The following VSX2 variants were observed in gnomAD, a reference collection of about 807,000 sequenced individuals.
VSX2 encodes ceh-10 homeo domain containing homolog.
VSX2 carries 28 observed loss-of-function variants against 32.1 expected under a neutral mutation model. That is an observed-to-expected ratio of 0.87 (90% confidence interval 0.65 to 1.20). The LOEUF (loss-of-function observed/expected upper bound fraction) is 1.20, where lower values mean the gene tolerates loss of function less well. Ranked by LOEUF, VSX2 falls within the 50% of genes most tolerant of loss-of-function variation. The pLI, the probability that VSX2 is intolerant of heterozygous loss-of-function variation, is 0.00. For synonymous variants in VSX2, 243 were observed against 214.1 expected, an observed-to-expected ratio of 1.14 and a Z score of -1.18; for missense variants, 506 against 488.7, an observed-to-expected ratio of 1.04 and a Z score of -0.33.
intron 3 of VSX2, among the ~76,000 whole-genome samples, chr14:74,249,877 ATGGTGCAGTGT>A (rs2139638423): frequency 6.6e-6 from 1 of 152,290 alleles, no homozygotes; most frequent in Non-Finnish European, 1.5e-5. Flanking sequence ...GTGGAGGATT[ATGGTGCAGTGT>A]TGGGGAAAGA....
chr14:74,259,385 C>T (rs565561898), intron 3 of VSX2, among the ~76,000 whole-genome samples: 10 of 150,140 alleles, frequency 6.7e-5, no homozygotes, highest in Non-Finnish European at 1.3e-4. Flanking sequence ...ATCCATACCC[C>T]ATCTCCCTAG....
At chr14:74,245,020 G>C (rs2079182660) in intron 2 of VSX2, 145 bp from the exon 3 acceptor site, 10 of 855,588 alleles carry the variant, frequency 1.2e-5, no homozygotes, top group Non-Finnish European at 1.9e-5. Context: ...GAGAGAGAGA[G>C]AGAGAGAGAA....
intron 2 of VSX2, among the ~76,000 whole-genome samples, chr14:74,241,599 C>T (rs2079150654): frequency 6.6e-6 from 1 of 152,218 alleles, no homozygotes; most frequent in African/African-American, 2.4e-5. Context: ...CTGAGAGCCA[C>T]ACAGACCCGG....
At chr14:74,249,406 G>A (rs1020072904) in intron 3 of VSX2, among the ~76,000 whole-genome samples, 1 of 152,074 alleles carries the variant, frequency 6.6e-6, no homozygotes, top group Non-Finnish European at 1.5e-5. Flanking sequence ...GAGTAGCTGG[G>A]ACTACAGGTG....
intron 3 of VSX2, among the ~76,000 whole-genome samples, chr14:74,257,282 C>T (rs545296181): frequency 6.6e-6 from 1 of 152,376 alleles, no homozygotes; most frequent in South Asian, 2.1e-4. Context: ...TTACACAAAC[C>T]CTTTCCTTGG....
At chr14:74,243,869 G>A (rs564242536) in intron 2 of VSX2, among the ~76,000 whole-genome samples, 1 of 152,178 alleles carries the variant, frequency 6.6e-6, no homozygotes, top group Admixed American at 6.5e-5. Flanking sequence ...TGTTAGACGA[G>A]GGTGAGGGCC....
Position 74,259,751 on chromosome 14 carries a change from C to T in VSX2, c.729C>T (p.Gly243=). 6.2e-7 allele frequency: 1 copy of T among 1,613,650 alleles called. No homozygotes were observed. Among genetic ancestry groups the T allele is most frequent in the Non-Finnish European group, 8.5e-7 (1 of 1,179,740 alleles). Reference sequence around the variant, plus strand: ...CCATCCTCAAGTCAGCCAAGGATGGCATCATGGACTCCTGTGCCCCGTGGC... The same window carrying T: ...CCATCCTCAAGTCAGCCAAGGATGGTATCATGGACTCCTGTGCCCCGTGGC... ...PESILKSAKD[G]IMDSCAPWLL... Residue 243 remains glycine (G), a synonymous_variant, in exon 4 of 5, where the codon GGC becomes GGT. Coordinates refer to ENST00000261980, the MANE Select transcript of VSX2 (RefSeq NM_182894.3).
intron 3 of VSX2, among the ~76,000 whole-genome samples, chr14:74,252,994 A>G (rs956477142): frequency 2.0e-4 from 30 of 147,122 alleles, no homozygotes; most frequent in Non-Finnish European, 3.6e-4. Context: ...GGTTGCAGTG[A>G]GCCAGGATCG....
rs1222906354 is a variant in VSX2 at position 74,241,221 on chromosome 14, A to T, written c.410A>T (p.Lys137Ile). The part of the protein sequence containing the change: ...DVSSSDRKMS[K>I]SALNQTKKRK... ...TCCTCCAGCGATCGAAAAATGTCCA[A>T]ATCTGCTTTAAACCAGACCAAGAAA... is the stretch of plus-strand genomic sequence containing the variant. The change falls in exon 2 of 5, where the codon AAA becomes ATA. Residue 137 changes from lysine (K) to isoleucine (I), a missense_variant. Lys to Ile is a moderately radical substitution (Grantham distance 102, BLOSUM62 -3). Coordinates refer to ENST00000261980, the MANE Select transcript of VSX2 (RefSeq NM_182894.3). The T allele has an allele frequency of 1.2e-6, 2 of 1,613,490 alleles. No homozygotes were observed. The highest frequency in any genetic ancestry group is 4.5e-5 in the East Asian group (2 of 44,856).
At chr14:74,249,533 G>A (rs149015324) in intron 3 of VSX2, among the ~76,000 whole-genome samples, 1 of 152,150 alleles carries the variant, frequency 6.6e-6, no homozygotes, top group African/African-American at 2.4e-5. Context: ...GCCTCCCAAA[G>A]TGCTGGGATT....
intron 3 of VSX2, among the ~76,000 whole-genome samples, chr14:74,248,350 AACAAAAAAAAC>A: frequency 7.1e-6 from 1 of 139,902 alleles, no homozygotes; most frequent in Admixed American, 7.1e-5. Flanking sequence ...AAAAAAAAAA[AACAAAAAAAAC>A]CAAAAACGAG....
chr14:74,259,771 C>G lies in VSX2; in HGVS notation c.749C>G (p.Pro250Arg), dbSNP rs767178137. 2 of 1,612,228 alleles carry G rather than the reference C, an allele frequency of 1.2e-6. No homozygotes were observed. Among genetic ancestry groups the G allele is most frequent in the Non-Finnish European group, 1.7e-6 (2 of 1,179,404 alleles). Residue 250 changes from proline to arginine, a missense_variant, in exon 4 of 5, where the codon CCG (proline) becomes CGG (arginine). Coordinates refer to ENST00000261980, the MANE Select transcript of VSX2 (RefSeq NM_182894.3). Reference protein sequence around the residue: ...AKDGIMDSCAPWLLGMHKKSL... With the variant: ...AKDGIMDSCARWLLGMHKKSL... ...GATGGCATCATGGACTCCTGTGCCC[C>G]GTGGCTACTGGGTAAGAGCCCGCAC...
At chr14:74,248,516 C>A (rs1034398372) in intron 3 of VSX2, among the ~76,000 whole-genome samples, 1 of 151,624 alleles carries the variant, frequency 6.6e-6, no homozygotes, top group African/African-American at 2.4e-5. Flanking sequence ...GTGAAATCCC[C>A]ATCTCTACAA....
At chr14:74,245,554 C>G (rs2079187140) in intron 3 of VSX2, among the ~76,000 whole-genome samples, 1 of 152,066 alleles carries the variant, frequency 6.6e-6, no homozygotes, top group Non-Finnish European at 1.5e-5. Flanking sequence ...CTGCGGGGGT[C>G]TGGGGATGAG....
chr14:74,250,408 A>T (rs2079220928), intron 3 of VSX2, among the ~76,000 whole-genome samples: 1 of 151,406 alleles, frequency 6.6e-6, no homozygotes, highest in African/African-American at 2.4e-5. Context: ...TCATGTGTTT[A>T]TTTTTTTTTC....
At chr14:74,244,195 T>C (rs2079168997) in intron 2 of VSX2, among the ~76,000 whole-genome samples, 1 of 152,222 alleles carries the variant, frequency 6.6e-6, no homozygotes, top group Admixed American at 6.5e-5. Context: ...GGTGAGAGAA[T>C]GTAGTTTTTA....
chr14:74,258,845 C>G (rs2079284795), intron 3 of VSX2, among the ~76,000 whole-genome samples: 1 of 152,196 alleles, frequency 6.6e-6, no homozygotes, highest in African/African-American at 2.4e-5. Flanking sequence ...CCTCCGCCCC[C>G]ACTCCCTCCC....
chr14:74,247,459 C>T (rs1028101999), intron 3 of VSX2, among the ~76,000 whole-genome samples: 9 of 152,192 alleles, frequency 5.9e-5, no homozygotes, highest in South Asian at 2.1e-4. Flanking sequence ...CATATGTGTG[C>T]AGCATTCAGG....
rs763725700 is a variant in VSX2, at chr14:74,241,148, C to G, written c.371-34C>G. On this transcript the variant is annotated intron_variant, in intron 1 of 4. Coordinates refer to ENST00000261980, the MANE Select transcript of VSX2 (RefSeq NM_182894.3). ...TTCGGGCACAGCGGAGCGCGTCCCC[C>G]ACTCTGCCGCATGTCCCTACGCCCG... The G allele has an allele frequency of 2.5e-6, 4 of 1,606,102 alleles. No individual in the cohort carries two copies. In the African/African-American group the frequency reaches 5.3e-5, roughly 21 times the overall value.
Sources: allele counts gnomAD v4.1 joint callset (sites outside exome capture counted in the v4.1 genomes callset), GRCh38; gene constraint gnomAD v4.1.1; transcripts MANE v1.5; gene names NCBI Gene and HGNC (gene_info 2026-07-23, HGNC 2026-07-21).